Variants in IPCEF1 observed in about 807,000 individuals in gnomAD.
The protein encoded by IPCEF1 is interactor protein for cytohesin exchange factors 1.
A neutral mutation model predicts 50.9 loss-of-function variants in IPCEF1; 31 were observed. That is an observed-to-expected ratio of 0.61 (90% CI 0.46 to 0.82). The LOEUF (loss-of-function observed/expected upper bound fraction) is 0.82, where lower values mean the gene tolerates loss of function less well. Ranked by LOEUF, IPCEF1 falls within the 40% of genes least tolerant of loss-of-function variation. The pLI, the probability that IPCEF1 is intolerant of heterozygous loss-of-function variation, is 0.00. For synonymous variants in IPCEF1, 181 were observed against 192.0 expected (o/e 0.94, Z 0.47); for missense variants, 458 against 514.0 (o/e 0.89, Z 1.05).
chr6:154,313,073 A>AAAAAAAAAC (rs1583977986), intron 1 of IPCEF1, among the ~76,000 whole-genome samples: 1 of 148,974 alleles, frequency 6.7e-6, no homozygotes, highest in East Asian at 2.0e-4. Context: ...GTCTCAAAAA[A>AAAAAAAAAC]AAAAAAAAAA....
At chr6:154,248,661 G>A (rs1247014615) in intron 3 of IPCEF1, among the ~76,000 whole-genome samples, 6 of 152,152 alleles carry the variant, frequency 3.9e-5, no homozygotes, top group Admixed American at 1.3e-4. Context: ...TTTAAATCCA[G>A]AGGCCTGGAA....
chr6:154,280,965 C>T (rs1782191981), intron 2 of IPCEF1, among the ~76,000 whole-genome samples: 1 of 151,896 alleles, frequency 6.6e-6, no homozygotes, highest in African/African-American at 2.4e-5. Flanking sequence ...TTTGGGAGGC[C>T]AGAGCGGAAT....
In IPCEF1 at chr6:154,322,754, T is replaced by C. The variant is rs544162296; in HGVS notation, c.-61-32998A>G. Reference sequence around the variant, plus strand: ...CAGGAGGCTGAGGCATGAGAATCACTTGAGCCGGGGAGGTGGAGGTTGCAG... The same window carrying C: ...CAGGAGGCTGAGGCATGAGAATCACCTGAGCCGGGGAGGTGGAGGTTGCAG... On this transcript the variant is annotated intron_variant, in intron 1 of 11. Coordinates refer to ENST00000367220, the MANE Select transcript of IPCEF1 (RefSeq NM_001130700.2). Among the ~76,000 whole-genome samples the C allele has an allele frequency of 3.2e-4, 49 of 152,182 alleles. 1 individual carries two copies. Among genetic ancestry groups the C allele is most frequent in the Admixed American group, 3.1e-3 (48 of 15,288 alleles).
At chr6:154,229,769 G>A (rs544188965) in intron 5 of IPCEF1, among the ~76,000 whole-genome samples, 2 of 152,342 alleles carry the variant, frequency 1.3e-5, no homozygotes, top group East Asian at 3.9e-4. Flanking sequence ...AGGTTTGCAT[G>A]CAAATCGTTA....
At chr6:154,227,092 G>A (rs1779311900) in intron 5 of IPCEF1, among the ~76,000 whole-genome samples, 1 of 151,948 alleles carries the variant, frequency 6.6e-6, no homozygotes, top group African/African-American at 2.4e-5. Context: ...CAGCTACTTG[G>A]GAGGCTGAGG....
chr6:154,246,560 G>T (rs962568031), intron 5 of IPCEF1, 31 bp downstream of exon 5: 5 of 1,584,418 alleles, frequency 3.2e-6, no homozygotes, highest in African/African-American at 1.4e-5. Context: ...CATTAAAACG[G>T]CTGGGAATAG....
chr6:154,285,541 T>C (rs992060889), intron 2 of IPCEF1, among the ~76,000 whole-genome samples: 3 of 152,186 alleles, frequency 2.0e-5, no homozygotes, highest in South Asian at 2.1e-4. Flanking sequence ...AATGTTAACC[T>C]GCCCTCTCAA....
At chr6:154,310,929 GTGT>G (rs1461190164) in intron 1 of IPCEF1, among the ~76,000 whole-genome samples, 1 of 152,214 alleles carries the variant, frequency 6.6e-6, no homozygotes, top group South Asian at 2.1e-4. Context: ...GTAAGTGTTG[GTGT>G]TGTATTGCAC....
chr6:154,336,323 A>C (rs1783786199), intron 1 of IPCEF1, among the ~76,000 whole-genome samples: 1 of 152,234 alleles, frequency 6.6e-6, no homozygotes, highest in East Asian at 1.9e-4. Context: ...TACACAATGG[A>C]ATATCATTTG....
chr6:154,189,794 C>T (rs1801703048), intron 10 of IPCEF1, among the ~76,000 whole-genome samples: 1 of 151,762 alleles, frequency 6.6e-6, no homozygotes, highest in South Asian at 2.1e-4. Flanking sequence ...TATGGTGAAA[C>T]CCTGTCTCTA....
intron 10 of IPCEF1, among the ~76,000 whole-genome samples, chr6:154,178,764 T>C (rs1462282861): frequency 6.6e-6 from 1 of 152,158 alleles, no homozygotes; most frequent in African/African-American, 2.4e-5. Context: ...GGATTAAAGC[T>C]GTTCAGAAAA....
At position 154,168,332 on chromosome 6, in the gene IPCEF1, A is replaced by C. The variant is rs1033249790; in HGVS notation, c.911-219T>G. On this transcript the variant is annotated intron_variant, in intron 10 of 11. Transcript: ENST00000367220. The surrounding 1 kb of genome is among the most constrained non-coding windows in gnomAD (Gnocchi z 4.1). ...TTCCCTGTGAAGGCACCAGGGAAGGAGTTATTCCAAGCCTCTCTCCTGGCT... is the reference window on the plus strand; with the variant it reads ...TTCCCTGTGAAGGCACCAGGGAAGGCGTTATTCCAAGCCTCTCTCCTGGCT... Among the ~76,000 whole-genome samples the C allele has an allele frequency of 6.6e-6, 1 of 152,094 alleles. No individual in the cohort carries two copies. Among genetic ancestry groups the C allele is most frequent in the Non-Finnish European group, 1.5e-5 (1 of 68,022 alleles).
intron 1 of IPCEF1, among the ~76,000 whole-genome samples, chr6:154,304,227 A>T (rs1049073509): frequency 6.6e-6 from 1 of 152,088 alleles, no homozygotes; most frequent in Non-Finnish European, 1.5e-5. Flanking sequence ...GTCTCAAAAA[A>T]ATTTTTTTAA....
intron 3 of IPCEF1, among the ~76,000 whole-genome samples, chr6:154,259,529 G>A (rs867664934): frequency 3.9e-5 from 6 of 152,130 alleles, no homozygotes; most frequent in Admixed American, 6.5e-5. Flanking sequence ...GCATGTGCCT[G>A]TAATCCCAGC....
At chr6:154,256,802 CAGT>C (rs1024928399) in intron 3 of IPCEF1, among the ~76,000 whole-genome samples, 7 of 152,140 alleles carry the variant, frequency 4.6e-5, no homozygotes, top group African/African-American at 1.7e-4. Context: ...AAAGCAAAAG[CAGT>C]ATGCATTCAG....
At chr6:154,352,791 A>G (rs1784139876) in intron 1 of IPCEF1, among the ~76,000 whole-genome samples, 1 of 152,250 alleles carries the variant, frequency 6.6e-6, no homozygotes, top group Non-Finnish European at 1.5e-5. Flanking sequence ...TTGAATCTAT[A>G]AAATAATCTG....
intron 11 of IPCEF1, among the ~76,000 whole-genome samples, chr6:154,164,722 C>T (rs565689444): frequency 1.3e-5 from 2 of 152,162 alleles, no homozygotes; most frequent in Non-Finnish European, 2.9e-5. Flanking sequence ...AAGGGTTCAC[C>T]GCTCTTGTGA....
chr6:154,239,542 C>T (rs116083382), intron 5 of IPCEF1, among the ~76,000 whole-genome samples: 11 of 152,266 alleles, frequency 7.2e-5, no homozygotes, highest in African/African-American at 1.4e-4. Flanking sequence ...CATTGTCTTG[C>T]GGTAAACCGG....
intron 10 of IPCEF1, among the ~76,000 whole-genome samples, chr6:154,174,114 G>A (rs12207854): frequency 0.19 from 29,390 of 152,066 alleles, 3,445 homozygotes; most frequent in East Asian, 0.41. Flanking sequence ...TTACAGACAA[G>A]CAAATGCTGA....
Sources: gnomAD v4.1 joint callset for allele counts (sites outside exome capture counted in the v4.1 genomes callset) on GRCh38, gnomAD v4.1.1 for gene constraint, Gnocchi (gnomAD v3.1) non-coding constraint, MANE v1.5 for transcripts, NCBI Gene and HGNC (gene_info 2026-07-23, HGNC 2026-07-21) for gene names.